Variants in NXPE2 observed in about 807,000 individuals in gnomAD.
The protein encoded by NXPE2 is NXPE family member 2.
In NXPE2, 34 loss-of-function variants were observed where a neutral mutation model predicts 34.4. The observed-to-expected ratio is 0.99, with a 90% CI of 0.75 to 1.31. The LOEUF (loss-of-function observed/expected upper bound fraction) is 1.31, where lower values mean the gene tolerates loss of function less well. Ranked by LOEUF, NXPE2 falls within the 40% of genes most tolerant of loss-of-function variation. NXPE2 has a pLI of 0.00. For synonymous variants in NXPE2, 235 were observed against 231.3 expected, an observed-to-expected ratio of 1.02 and a Z score of -0.15; for missense variants, 649 against 672.5, an observed-to-expected ratio of 0.97 and a Z score of 0.39.
At chr11:114,679,067 C>T (rs1182303321) in intron 1 of NXPE2, among the ~76,000 whole-genome samples, 1 of 151,974 alleles carries the variant, frequency 6.6e-6, no homozygotes, top group African/African-American at 2.4e-5. Flanking sequence ...AACCACTCAA[C>T]ACTGAGTTTT....
the NXPE2 span, chr11:114,571,331 C>T: frequency 1.2e-6 from 2 of 1,613,992 alleles, no homozygotes; most frequent in Non-Finnish European, 1.7e-6. Context: ...GGGTGAGGTA[C>T]TCCATCTCTT....
the NXPE2 span, among the ~76,000 whole-genome samples, chr11:114,544,654 T>G: frequency 6.6e-6 from 1 of 152,246 alleles, no homozygotes; most frequent in South Asian, 2.1e-4. Flanking sequence ...CTGTGTGAAC[T>G]TGAGCTGTTG....
chr11:114,743,810 T>TATATATA, the NXPE2 span, among the ~76,000 whole-genome samples: 1 of 151,556 alleles, frequency 6.6e-6, no homozygotes, highest in African/African-American at 2.4e-5. Flanking sequence ...TGTGTGTGTA[T>TATATATA]GTGTGTGTAT....
chr11:114,657,161 CA>C, the NXPE2 span, among the ~76,000 whole-genome samples: 1 of 152,180 alleles, frequency 6.6e-6, no homozygotes, highest in Admixed American at 6.5e-5. Flanking sequence ...CTCAGTTACA[CA>C]ATTTTTCAGA....
At chr11:114,611,317 CCAG>C in the NXPE2 span, among the ~76,000 whole-genome samples, 276 of 151,074 alleles carry the variant, frequency 1.8e-3, 1 homozygote, top group Middle Eastern at 3.6e-3. Context: ...TCACTGTTAC[CCAG>C]TGGATAATAA....
the NXPE2 span, among the ~76,000 whole-genome samples, chr11:114,720,629 A>G: frequency 4.0e-5 from 6 of 151,816 alleles, no homozygotes; most frequent in Non-Finnish European, 8.8e-5. Flanking sequence ...TTCAAAGCAA[A>G]AAAACACCAG....
At chr11:114,710,509 C>G (rs1859592430), downstream of NXPE2, among the ~76,000 whole-genome samples, 1 of 152,002 alleles carries the variant, frequency 6.6e-6, no homozygotes, top group African/African-American at 2.4e-5. Flanking sequence ...CTGATAAATT[C>G]ATAGAAACAT....
At chr11:114,605,334 T>C in the NXPE2 span, among the ~76,000 whole-genome samples, 1 of 151,940 alleles carries the variant, frequency 6.6e-6, no homozygotes, top group Non-Finnish European at 1.5e-5. Context: ...GGATAATAAG[T>C]ATTGCCTCGT....
At chr11:114,741,373 G>T in the NXPE2 span, among the ~76,000 whole-genome samples, 1 of 152,006 alleles carries the variant, frequency 6.6e-6, no homozygotes, top group Non-Finnish European at 1.5e-5. Context: ...CTCCAGATTT[G>T]TGGAGTTTTC....
chr11:114,599,064 C>CT, the NXPE2 span, among the ~76,000 whole-genome samples: 21 of 152,080 alleles, frequency 1.4e-4, no homozygotes, highest in Middle Eastern at 3.4e-3. Context: ...AGTTTTACAT[C>CT]TTTTTTTTGC....
chr11:114,668,765 C>G, the NXPE2 span, among the ~76,000 whole-genome samples: 1 of 151,988 alleles, frequency 6.6e-6, no homozygotes, highest in African/African-American at 2.4e-5. Flanking sequence ...TAGAAGCCAA[C>G]TATTAGGACA....
the NXPE2 span, among the ~76,000 whole-genome samples, chr11:114,747,953 G>T: frequency 1.3e-5 from 2 of 152,268 alleles, no homozygotes; most frequent in Non-Finnish European, 2.9e-5. Context: ...TGTGGCCTTT[G>T]ACCAACAGTG....
At chr11:114,570,146 G>A in the NXPE2 span, among the ~76,000 whole-genome samples, 2 of 152,098 alleles carry the variant, frequency 1.3e-5, no homozygotes, top group African/African-American at 4.8e-5. Context: ...TTTGTTTGGG[G>A]CTCAGACTAT....
the NXPE2 span, chr11:114,517,726 G>A: frequency 1.3e-5 from 2 of 152,298 alleles, no homozygotes; most frequent in African/African-American, 4.8e-5. Flanking sequence ...AGTTGGAAGA[G>A]AATAGAGAAA....
the NXPE2 span, among the ~76,000 whole-genome samples, chr11:114,627,213 A>G: frequency 6.0e-5 from 9 of 151,128 alleles, no homozygotes; most frequent in Non-Finnish European, 8.9e-5. Flanking sequence ...AAGACACATA[A>G]TTGTCAGATT....
the NXPE2 span, among the ~76,000 whole-genome samples, chr11:114,784,229 G>A: frequency 6.6e-6 from 1 of 152,214 alleles, no homozygotes; most frequent in Non-Finnish European, 1.5e-5. Context: ...CACATTCTAT[G>A]AGAAGGAGAC....
At chr11:114,724,340 C>T in the NXPE2 span, among the ~76,000 whole-genome samples, 2 of 152,106 alleles carry the variant, frequency 1.3e-5, no homozygotes, top group African/African-American at 2.4e-5. Flanking sequence ...AATTTATTTC[C>T]TCGTACTCCG....
At chr11:114,804,817 G>A in the NXPE2 span, among the ~76,000 whole-genome samples, 1 of 152,138 alleles carries the variant, frequency 6.6e-6, no homozygotes, top group African/African-American at 2.4e-5. Flanking sequence ...GCTGGAGGAG[G>A]AAGACCAGGG....
chr11:114,563,614 C>T, the NXPE2 span, among the ~76,000 whole-genome samples: 11 of 151,854 alleles, frequency 7.2e-5, no homozygotes, highest in South Asian at 2.1e-4. Context: ...GGAACTCAAA[C>T]GAATCAGCAA....
Sources: gnomAD v4.1 joint callset for allele counts (sites outside exome capture counted in the v4.1 genomes callset) on GRCh38, gnomAD v4.1.1 for gene constraint, MANE v1.5 for transcripts, NCBI Gene and HGNC (gene_info 2026-07-23, HGNC 2026-07-21) for gene names.